The following PPP2R2A variants were observed in gnomAD, a reference collection of about 807,000 sequenced individuals.
PPP2R2A encodes the protein serine/threonine-protein phosphatase 2A 55 kDa regulatory subunit B alpha isoform.
A neutral mutation model predicts 53.2 loss-of-function variants in PPP2R2A; 9 were observed. The ratio of observed to expected loss-of-function variants is 0.17; its 90% CI spans 0.10 to 0.30. The LOEUF (loss-of-function observed/expected upper bound fraction) is 0.30. Among genes scored for constraint, PPP2R2A ranks in the 10% least tolerant of loss-of-function variants. PPP2R2A has a pLI of 1.00. For synonymous variants in PPP2R2A, 169 were observed against 174.2 expected, an observed-to-expected ratio of 0.97 and a Z score of 0.23; for missense variants, 235 against 534.6, an observed-to-expected ratio of 0.44 and a Z score of 5.53.
intron 2 of PPP2R2A, among the ~76,000 whole-genome samples, chr8:26,325,655 C>T (rs964365989): frequency 3.3e-5 from 5 of 152,056 alleles, no homozygotes; most frequent in African/African-American, 1.2e-4. Flanking sequence ...AATTATCAAG[C>T]CTTGTTTTAT....
intron 2 of PPP2R2A, among the ~76,000 whole-genome samples, chr8:26,334,069 G>A (rs572456620): frequency 2.6e-5 from 4 of 152,104 alleles, no homozygotes; most frequent in Non-Finnish European, 5.9e-5. Context: ...CGCACAATTT[G>A]GAAGTCAATG....
At chr8:26,339,136 T>C in intron 3 of PPP2R2A, 149 bp downstream of exon 3, 1 of 587,856 alleles carries the variant, frequency 1.7e-6, no homozygotes, top group Non-Finnish European at 3.0e-6. Flanking sequence ...ACAGCTCTGG[T>C]TCTCTTAGCT....
At chr8:26,293,578 A>G in intron 1 of PPP2R2A, 88 bp from the exon 2 acceptor site, 1 of 1,304,368 alleles carries the variant, frequency 7.7e-7, no homozygotes, top group Non-Finnish European at 1.1e-6. Context: ...GGCTGTTAGT[A>G]TCATGCCAAC....
chr8:26,343,480 T>C (rs1343011423), intron 3 of PPP2R2A, among the ~76,000 whole-genome samples: 1 of 151,742 alleles, frequency 6.6e-6, no homozygotes, highest in Non-Finnish European at 1.5e-5. Flanking sequence ...AAAGCAGTTC[T>C]CCTGCCTCAG....
chr8:26,335,218 T>G (rs967176334), intron 2 of PPP2R2A, among the ~76,000 whole-genome samples: 2 of 152,198 alleles, frequency 1.3e-5, no homozygotes, highest in Non-Finnish European at 2.9e-5. Flanking sequence ...GAATTCATTC[T>G]CCCTTCTTAT....
intron 2 of PPP2R2A, among the ~76,000 whole-genome samples, chr8:26,295,605 T>C (rs1175726910): frequency 1.3e-5 from 2 of 152,244 alleles, no homozygotes; most frequent in East Asian, 3.8e-4. Flanking sequence ...ATTTTTCTAC[T>C]GATTGGTTAA....
chr8:26,325,832 T>A (rs1251595871), intron 2 of PPP2R2A, among the ~76,000 whole-genome samples: 2 of 152,146 alleles, frequency 1.3e-5, no homozygotes, highest in Non-Finnish European at 2.9e-5. Context: ...CTTATTTTTA[T>A]TTATTTTTTA....
chr8:26,323,635 A>G (rs1802949105), intron 2 of PPP2R2A, among the ~76,000 whole-genome samples: 1 of 152,210 alleles, frequency 6.6e-6, no homozygotes, highest in Non-Finnish European at 1.5e-5. Context: ...AAGGATACAA[A>G]TGAACAGCTA....
chr8:26,322,566 C>CT (rs1308202991), intron 2 of PPP2R2A, among the ~76,000 whole-genome samples: 2 of 151,262 alleles, frequency 1.3e-5, no homozygotes, highest in Admixed American at 1.3e-4. Flanking sequence ...TGCAGGAACT[C>CT]AAAGTATATC....
chr8:26,372,335 C>CAGCAAACAG lies in PPP2R2A; in HGVS notation c.*1922_*1923insAGCAAACAG. The CAGCAAACAG allele has an allele frequency of 6.6e-6, 1 of 152,144 alleles. No homozygotes were observed. Among genetic ancestry groups the CAGCAAACAG allele is most frequent in the Non-Finnish European group, 1.5e-5 (1 of 68,026 alleles). The allele number at this position is 152,144 out of a possible 1,614,324, so 9.4% of individuals were successfully genotyped here. On this transcript the variant is annotated 3_prime_UTR_variant, in exon 10 of 10. Transcript: ENST00000380737. ...CAAGTGTCAAACAGTGATATTCTTCCTGTGTTGTGACTGGACAGTTTTCCA... is the reference window on the plus strand; with the variant it reads ...CAAGTGTCAAACAGTGATATTCTTCCAGCAAACAGTGTGTTGTGACTGGACAGTTTTCCA...
intron 3 of PPP2R2A, among the ~76,000 whole-genome samples, chr8:26,347,325 G>A (rs1295623409): frequency 6.6e-6 from 1 of 151,906 alleles, no homozygotes; most frequent in Admixed American, 6.6e-5. Context: ...TTCCTTGGTT[G>A]TTGATAGAAC....
intron 3 of PPP2R2A, among the ~76,000 whole-genome samples, chr8:26,340,716 T>C (rs1439063838): frequency 6.6e-6 from 1 of 152,104 alleles, no homozygotes; most frequent in Non-Finnish European, 1.5e-5. Context: ...AAAAAATGGC[T>C]GAAAATTTTT....
intron 2 of PPP2R2A, among the ~76,000 whole-genome samples, chr8:26,320,438 A>ACAT (rs1248554494): frequency 6.6e-6 from 1 of 152,058 alleles, no homozygotes. Flanking sequence ...GATGTAGGGA[A>ACAT]CGTTTTTTTA....
chr8:26,322,712 T>A (rs1802902382), intron 2 of PPP2R2A, among the ~76,000 whole-genome samples: 1 of 152,160 alleles, frequency 6.6e-6, no homozygotes, highest in Non-Finnish European at 1.5e-5. Flanking sequence ...AACTTACATA[T>A]AAAAGTAGGG....
At chr8:26,313,513 A>G (rs1465743863) in intron 2 of PPP2R2A, among the ~76,000 whole-genome samples, 2 of 150,468 alleles carry the variant, frequency 1.3e-5, no homozygotes, top group African/African-American at 2.4e-5. Flanking sequence ...AGTAGACTGG[A>G]TAATGGTCCC....
chr8:26,305,846 T>G (rs1801991419), intron 2 of PPP2R2A, among the ~76,000 whole-genome samples: 1 of 152,136 alleles, frequency 6.6e-6, no homozygotes, highest in African/African-American at 2.4e-5. Context: ...GTACAAATAT[T>G]TACTTGTTTC....
intron 3 of PPP2R2A, among the ~76,000 whole-genome samples, chr8:26,351,744 C>T (rs1804525856): frequency 6.6e-6 from 1 of 152,198 alleles, no homozygotes; most frequent in African/African-American, 2.4e-5. Context: ...AGGCCTGTTT[C>T]TGGGCCATCT....
At chr8:26,315,220 A>T (rs950779949) in intron 2 of PPP2R2A, among the ~76,000 whole-genome samples, 1 of 152,146 alleles carries the variant, frequency 6.6e-6, no homozygotes, top group African/African-American at 2.4e-5. Flanking sequence ...AGAATGAGGT[A>T]GTAAGAGTAA....
chr8:26,351,337 C>T (rs1804501428), intron 3 of PPP2R2A, among the ~76,000 whole-genome samples: 1 of 151,866 alleles, frequency 6.6e-6, no homozygotes, highest in African/African-American at 2.4e-5. Flanking sequence ...CTCCATGGCC[C>T]TCTTTAAAGT....
Sources: allele counts gnomAD v4.1 joint callset (sites outside exome capture counted in the v4.1 genomes callset), GRCh38; gene constraint gnomAD v4.1.1; transcripts MANE v1.5; gene names NCBI Gene and HGNC (gene_info 2026-07-23, HGNC 2026-07-21).